The following ENTPD5 variants were observed in gnomAD, a reference collection of about 807,000 sequenced individuals.
ENTPD5 encodes the protein ectonucleoside triphosphate diphosphohydrolase 5 (inactive), also known as nucleoside diphosphate phosphatase ENTPD5.
ENTPD5 carries 49 observed loss-of-function variants against 60.2 expected under a neutral mutation model. The observed-to-expected ratio is 0.81, with a 90% CI of 0.65 to 1.03. The LOEUF (loss-of-function observed/expected upper bound fraction) is 1.03, where lower values mean the gene tolerates loss of function less well. ENTPD5 is among the 50% of genes least tolerant of loss of function. The pLI, the probability that ENTPD5 is intolerant of heterozygous loss-of-function variation, is 0.00. For missense variants in ENTPD5, 480 were observed against 507.6 expected (o/e 0.95, Z 0.52); for synonymous variants, 187 against 185.4 (o/e 1.01, Z -0.07).
At chr14:73,962,014 TTC>T (rs2056760679), downstream of ENTPD5, 2 of 1,230,192 alleles carry the variant, frequency 1.6e-6, no homozygotes, top group Admixed American at 3.6e-5. Context: ...GTGGCACAAT[TTC>T]CACTCACTGC....
intron 8 of ENTPD5, 140 bp from the exon 9 acceptor site, chr14:73,976,552 A>G (rs1594862930): frequency 1.6e-6 from 1 of 634,430 alleles, no homozygotes; most frequent in East Asian, 2.8e-5. Flanking sequence ...GTGAATGTCA[A>G]CTCGGAAGGA....
chr14:74,004,766 G>A (rs1471289274), intron 3 of ENTPD5, among the ~76,000 whole-genome samples: 1 of 152,130 alleles, frequency 6.6e-6, no homozygotes, highest in Non-Finnish European at 1.5e-5. Context: ...CAGGGCAGAA[G>A]CAGTAATGTC....
chr14:74,017,150 G>A (rs1405286283), intron 1 of ENTPD5, among the ~76,000 whole-genome samples: 1 of 152,014 alleles, frequency 6.6e-6, no homozygotes, highest in East Asian at 1.9e-4. Context: ...GAAACCCCGT[G>A]TCTACTAAAA....
intron 3 of ENTPD5, chr14:74,003,429 A>C: frequency 5.2e-6 from 6 of 1,164,358 alleles, no homozygotes; most frequent in Non-Finnish European, 7.3e-6. Flanking sequence ...GCGAATGTGC[A>C]GTCTGAAGCA....
chr14:73,987,176 A>G (rs1318176467), intron 4 of ENTPD5: 1 of 701,580 alleles, frequency 1.4e-6, no homozygotes, highest in Admixed American at 2.0e-5. Context: ...ATTCAGAAAA[A>G]GTTAATCTTC....
At chr14:73,974,873 G>C in intron 11 of ENTPD5, 51 bp downstream of exon 11, 1 of 1,413,936 alleles carries the variant, frequency 7.1e-7, no homozygotes, top group Non-Finnish European at 9.9e-7. Flanking sequence ...AGCAAGCGGA[G>C]TATCTGTGTC....
At chr14:73,967,107 C>T (rs1246705241) in intron 15 of ENTPD5, 93 bp from the exon 16 acceptor site, 3 of 1,061,314 alleles carry the variant, frequency 2.8e-6, no homozygotes, top group Non-Finnish European at 2.8e-6. Flanking sequence ...AAAGAATATC[C>T]ACATGGGCAA....
intron 2 of ENTPD5, among the ~76,000 whole-genome samples, chr14:74,015,197 C>T (rs780553562): frequency 6.6e-6 from 1 of 151,962 alleles, no homozygotes; most frequent in Non-Finnish European, 1.5e-5. Flanking sequence ...TTAGACTGAT[C>T]CACCTATAAA....
rs772060423 is a variant in ENTPD5, at chr14:73,974,994, T to C, written c.723-9A>G. ...ATCCAAATCCCAGGTAACTGTAAAA[T>C]ACAGGATTGACTAATTTCATGCTGG... On this transcript the variant is annotated splice_polypyrimidine_tract_variant and intron_variant, in intron 10 of 15. Transcript: ENST00000334696. The C allele has an allele frequency of 3.9e-5, 63 of 1,607,114 alleles. No homozygotes were observed. Among genetic ancestry groups the C allele is most frequent in the Non-Finnish European group, 5.2e-5 (61 of 1,174,152 alleles).
At chr14:73,957,595 G>A (rs1050961546), downstream of ENTPD5, among the ~76,000 whole-genome samples, 5 of 152,002 alleles carry the variant, frequency 3.3e-5, no homozygotes, top group East Asian at 1.9e-4. Flanking sequence ...GCACCATCAC[G>A]CCTGGTTAAT....
At position 73,971,886 on chromosome 14, in the gene ENTPD5, T is replaced by C. The variant is rs761718013; in HGVS notation, c.1050A>G (p.Leu350=). The change falls in exon 14 of 16, where the codon TTA becomes TTG. Residue 350 remains leucine, a synonymous_variant. Coordinates refer to ENST00000334696, the MANE Select transcript of ENTPD5 (RefSeq NM_001249.5). ...CTTTTCTTTCAAAATCTTCAACTTT[T>C]AAAATACCCCCCTTTTCATAATCTG... The part of the protein sequence containing the change: ...DMIDYEKGGI[L]KVEDFERKAR... The C allele has an allele frequency of 1.2e-5, 20 of 1,603,552 alleles. No homozygotes were observed. Among genetic ancestry groups the C allele is most frequent in the Non-Finnish European group, 1.5e-5 (17 of 1,170,318 alleles).
At chr14:74,003,549 A>T (rs1050331817) in intron 3 of ENTPD5, 18 of 751,598 alleles carry the variant, frequency 2.4e-5, no homozygotes, top group Admixed American at 4.2e-5. Flanking sequence ...ATGCTGGTAC[A>T]AGTTGTGGGA....
At position 73,966,219 on chromosome 14, in the gene ENTPD5, T is replaced by TA. The variant is rs1381947909; in HGVS notation, c.*708dup. ...GTTCATTAATCCCAGAGTTGACTGA[T>TA]AAAATGCTGATTAAAGCAAAGGTAG... On this transcript the variant is annotated 3_prime_UTR_variant, in exon 16 of 16. Coordinates refer to ENST00000334696, the MANE Select transcript of ENTPD5 (RefSeq NM_001249.5). The TA allele has an allele frequency of 2.6e-5, 4 of 152,198 alleles. No homozygotes were observed. Among genetic ancestry groups the TA allele is most frequent in the Non-Finnish European group, 5.9e-5 (4 of 68,030 alleles). 9.4% of individuals were successfully genotyped at this position (152,198 alleles called of 1,614,324 possible).
At position 73,976,034 on chromosome 14, in the gene ENTPD5, A is replaced by C. The variant is rs775157885; in HGVS notation, c.643-19T>G. On this transcript the variant is annotated intron_variant, in intron 9 of 15. Transcript: ENST00000334696. ...GAGTTTTCTGCAAATCAGAAAAAGC[A>C]AAAAGACTATTCAGGATCTGTAATT... 1.3e-6 allele frequency: 2 copies of C among 1,598,296 alleles called. No individual in the cohort carries two copies. Among genetic ancestry groups the C allele is most frequent in the Non-Finnish European group, 1.7e-6 (2 of 1,167,526 alleles).
intron 6 of ENTPD5, among the ~76,000 whole-genome samples, chr14:73,978,658 T>G (rs975200439): frequency 2.6e-5 from 4 of 151,550 alleles, no homozygotes; most frequent in African/African-American, 9.7e-5. Context: ...AGTGGCTTCC[T>G]TCTTATAGAA....
downstream of ENTPD5, chr14:73,960,957 G>A: frequency 1.5e-6 from 1 of 647,990 alleles, no homozygotes; most frequent in East Asian, 2.8e-5. Flanking sequence ...AGTAGGCAGG[G>A]GCCAGCTCAT....
downstream of ENTPD5, chr14:73,961,761 A>G (rs374270071): frequency 8.1e-6 from 13 of 1,614,060 alleles, no homozygotes; most frequent in Non-Finnish European, 1.0e-5. Flanking sequence ...CTCACAGGTT[A>G]TGAAACAGAA....
downstream of ENTPD5, chr14:73,959,479 G>T: frequency 6.2e-7 from 1 of 1,614,212 alleles, no homozygotes; most frequent in Non-Finnish European, 8.5e-7. Flanking sequence ...GAGCTAGTTA[G>T]CATGGATGAG....
chr14:73,971,642 C>G (rs558638624), intron 14 of ENTPD5, among the ~76,000 whole-genome samples: 1 of 152,272 alleles, frequency 6.6e-6, no homozygotes, highest in South Asian at 2.1e-4. Context: ...AATCCTCCCG[C>G]CCTGAGTAGC....
Sources: gnomAD v4.1 joint callset for allele counts (sites outside exome capture counted in the v4.1 genomes callset) on GRCh38, gnomAD v4.1.1 for gene constraint, MANE v1.5 for transcripts, NCBI Gene and HGNC (gene_info 2026-07-23, HGNC 2026-07-21) for gene names.